Variants in KDM5A observed in about 807,000 individuals in gnomAD.
KDM5A encodes the protein lysine demethylase 5A, also known as lysine-specific demethylase 5A.
Under a neutral mutation model 193.5 loss-of-function variants are expected in KDM5A, and 42 were observed. That is an observed-to-expected ratio of 0.22 (90% CI 0.17 to 0.28). The LOEUF (loss-of-function observed/expected upper bound fraction) is 0.28. Among genes scored for constraint, KDM5A ranks in the 10% least tolerant of loss-of-function variants. KDM5A has a pLI of 1.00. For synonymous variants in KDM5A, 796 were observed against 718.1 expected (o/e 1.11, Z -1.73); for missense variants, 1,692 against 2,055.1 (o/e 0.82, Z 3.42).
chr12:318,469 G>T lies in KDM5A; in HGVS notation c.2542-8C>A. The T allele has an allele frequency of 6.3e-7, 1 of 1,597,938 alleles. No homozygotes were observed. The highest frequency in any genetic ancestry group is 8.6e-7 in the Non-Finnish European group (1 of 1,165,466). On this transcript the variant is annotated splice_polypyrimidine_tract_variant and splice_region_variant and intron_variant, in intron 18 of 27. Coordinates refer to ENST00000399788, the MANE Select transcript of KDM5A (RefSeq NM_001042603.3). The stretch of plus-strand genomic sequence containing the variant: ...CACATCATCTAGCAGATTCTGAAAA[G>T]GTCAAAAGAAATAAAAATCAGAAAA...
chr12:300,225 T>C (rs1216021450), intron 24 of KDM5A, among the ~76,000 whole-genome samples: 4 of 152,036 alleles, frequency 2.6e-5, no homozygotes, highest in African/African-American at 4.8e-5. Context: ...ATCAGCAGAA[T>C]ACACATTCTG....
chr12:372,716 T>A (rs376923986), intron 3 of KDM5A, among the ~76,000 whole-genome samples: 1 of 152,236 alleles, frequency 6.6e-6, no homozygotes, highest in Non-Finnish European at 1.5e-5. Context: ...CAGTATGATA[T>A]TGGCTGTGGG....
chr12:384,600 A>C (rs1400778552), intron 2 of KDM5A, among the ~76,000 whole-genome samples: 1 of 152,236 alleles, frequency 6.6e-6, no homozygotes, highest in Non-Finnish European at 1.5e-5. Context: ...ACTAGCCAAT[A>C]GTAAAACTAG....
intron 6 of KDM5A, 53 bp downstream of exon 6, chr12:356,379 T>C (rs1944229392): frequency 5.3e-6 from 6 of 1,138,936 alleles, no homozygotes; most frequent in Non-Finnish European, 8.0e-6. Flanking sequence ...TTTGAGTTTT[T>C]TTACAATCAT....
Position 307,125 on chromosome 12 carries a change from C to T in KDM5A, c.3931-36G>A. On this transcript the variant is annotated intron_variant, in intron 23 of 27. Coordinates refer to ENST00000399788, the MANE Select transcript of KDM5A (RefSeq NM_001042603.3). The surrounding 1 kb of genome is among the most constrained non-coding windows in gnomAD (Gnocchi z 4.3). ...AATAATTCCAAGATGAACAGCAAGA[C>T]ATGCTAAACAGACAGGGTAATTAAT... is the stretch of plus-strand genomic sequence containing the variant. 2 of 1,613,068 alleles carry T rather than the reference C, an allele frequency of 1.2e-6. No individual in the cohort carries two copies. Among genetic ancestry groups the T allele is most frequent in the Non-Finnish European group, 1.7e-6 (2 of 1,179,196 alleles).
intron 4 of KDM5A, among the ~76,000 whole-genome samples, chr12:364,778 T>A (rs574289106): frequency 2.3e-4 from 9 of 39,754 alleles, no homozygotes; most frequent in African/African-American, 6.9e-4. Context: ...GAGTCTCATC[T>A]CAAAAAAAAA....
At chr12:311,494 T>C (rs887621714) in intron 20 of KDM5A, among the ~76,000 whole-genome samples, 8 of 150,016 alleles carry the variant, frequency 5.3e-5, no homozygotes, top group African/African-American at 2.0e-4. Flanking sequence ...AGACAGCCCT[T>C]TGAAATTACA....
Position 280,169 on chromosome 12 carries a change from A to G in KDM5A, c.*5287T>C, listed in dbSNP as rs563028075. Reference sequence around the variant, plus strand: ...TCCAAAATCACTCTAGTTTATTCACATAATATAGTATTTGATTCCATTCTT... The same window carrying G: ...TCCAAAATCACTCTAGTTTATTCACGTAATATAGTATTTGATTCCATTCTT... On this transcript the variant is annotated 3_prime_UTR_variant, in exon 28 of 28. Transcript: ENST00000399788. 8.6e-5 allele frequency: 20 copies of G among 232,394 alleles called. No individual in the cohort carries two copies. Among genetic ancestry groups the G allele is most frequent in the African/African-American group, 4.4e-4 (20 of 45,428 alleles). The allele number at this position is 232,394 out of a possible 1,614,324, so 14.4% of individuals were successfully genotyped here.
intron 17 of KDM5A, 52 bp downstream of exon 17, chr12:322,365 A>T: frequency 6.3e-7 from 1 of 1,588,026 alleles, no homozygotes; most frequent in Non-Finnish European, 8.6e-7. Context: ...TTTGGTTTTT[A>T]CTCTGAAAGA....
chr12:368,587 C>A (rs909524801), intron 3 of KDM5A, among the ~76,000 whole-genome samples: 3 of 152,040 alleles, frequency 2.0e-5, no homozygotes, highest in Non-Finnish European at 4.4e-5. Context: ...CAAAAATTAG[C>A]CAAGCATGGT....
chr12:385,957 A>G lies in KDM5A; in HGVS notation c.183T>C (p.Phe61=). ...IRPPKDWQPP[F]ACEVKSFRFT... Reference sequence around the variant, plus strand: ...AACGAAAGCTTTTTACTTCACAGGCAAATGGAGGCTGCCAGTCCTAAATAG... The same window carrying G: ...AACGAAAGCTTTTTACTTCACAGGCGAATGGAGGCTGCCAGTCCTAAATAG... The change falls in exon 2 of 28, where the codon TTT becomes TTC. Residue 61 remains phenylalanine, a synonymous_variant. Transcript: ENST00000399788. The G allele has an allele frequency of 3.1e-6, 5 of 1,613,680 alleles. No homozygotes were observed. Among genetic ancestry groups the G allele is most frequent in the Non-Finnish European group, 4.2e-6 (5 of 1,179,630 alleles).
At chr12:386,573 G>A (rs1249493420) in intron 1 of KDM5A, among the ~76,000 whole-genome samples, 2 of 152,162 alleles carry the variant, frequency 1.3e-5, no homozygotes, top group Non-Finnish European at 2.9e-5. Context: ...CAAGCTGGGT[G>A]CAGTAGCTCA....
At chr12:301,193 C>G (rs1371049972) in intron 24 of KDM5A, among the ~76,000 whole-genome samples, 2 of 152,178 alleles carry the variant, frequency 1.3e-5, no homozygotes, top group African/African-American at 4.8e-5. Context: ...CCAGGATCAT[C>G]CTGATAACAA....
chr12:299,932 C>A (rs187648089), intron 24 of KDM5A, among the ~76,000 whole-genome samples: 1 of 134,322 alleles, frequency 7.4e-6, no homozygotes, highest in Non-Finnish European at 1.6e-5. Flanking sequence ...CAACAAAGAT[C>A]AGAGACAAGG....
intron 27 of KDM5A, among the ~76,000 whole-genome samples, chr12:286,542 C>T (rs946684014): frequency 6.6e-6 from 1 of 152,170 alleles, no homozygotes; most frequent in African/African-American, 2.4e-5. Flanking sequence ...CTCTTCCTCA[C>T]CTCAATACCA....
rs1426368235 is a variant in KDM5A, at chr12:322,590, C to A, written c.2276-23G>T. 5 of 1,600,694 alleles carry A rather than the reference C, an allele frequency of 3.1e-6. No individual in the cohort carries two copies. In the East Asian group the frequency reaches 6.7e-5, roughly 21 times the overall value. On this transcript the variant is annotated intron_variant, in intron 16 of 27. Transcript: ENST00000399788. ...AATCTGTAAAAATTTAAATAAAGAG[C>A]CATATACAATAACCATAGACACAAA...
chr12:326,229 G>T (rs1943781575), intron 14 of KDM5A, among the ~76,000 whole-genome samples: 1 of 152,224 alleles, frequency 6.6e-6, no homozygotes, highest in East Asian at 1.9e-4. Context: ...CAAATGAGTG[G>T]CTGGACACAG....
intron 24 of KDM5A, among the ~76,000 whole-genome samples, chr12:304,892 A>T (rs1464936000): frequency 6.6e-6 from 1 of 152,194 alleles, no homozygotes; most frequent in Non-Finnish European, 1.5e-5. Flanking sequence ...GCCTCTAACT[A>T]GGGTAAACGG....
intron 3 of KDM5A, among the ~76,000 whole-genome samples, chr12:377,052 A>C (rs903255851): frequency 6.6e-6 from 1 of 152,158 alleles, no homozygotes; most frequent in Non-Finnish European, 1.5e-5. Context: ...AAAAGTCTTA[A>C]GAAGTAGCAG....
Sources: gnomAD v4.1 joint callset for allele counts (sites outside exome capture counted in the v4.1 genomes callset) on GRCh38, gnomAD v4.1.1 for gene constraint, Gnocchi (gnomAD v3.1) non-coding constraint, MANE v1.5 for transcripts, NCBI Gene and HGNC (gene_info 2026-07-23, HGNC 2026-07-21) for gene names.